The following PRPF8 variants were observed in gnomAD, a reference collection of about 807,000 sequenced individuals.
The protein encoded by PRPF8 is pre-mRNA-processing-splicing factor 8.
In PRPF8, 64 loss-of-function variants were observed where a neutral mutation model predicts 285.9. The ratio of observed to expected loss-of-function variants is 0.22; its 90% CI spans 0.18 to 0.28. The LOEUF (loss-of-function observed/expected upper bound fraction) is 0.28. Among genes scored for constraint, PRPF8 ranks in the 10% least tolerant of loss-of-function variants. The pLI, the probability that PRPF8 is intolerant of heterozygous loss-of-function variation, is 1.00. For missense variants in PRPF8, 1,426 were observed against 3,026.7 expected (o/e 0.47, Z 12.41); for synonymous variants, 1,325 against 1,118.2 (o/e 1.18, Z -3.69).
At chr17:1,683,776 T>C in intron 2 of PRPF8, 75 bp from the exon 3 acceptor site, 1 of 1,562,874 alleles carries the variant, frequency 6.4e-7, no homozygotes, top group Non-Finnish European at 8.7e-7. Flanking sequence ...TAGGGTAAGC[T>C]CCTGTCAGTG....
chr17:1,659,592 A>C lies in PRPF8; in HGVS notation c.4947-44T>G, dbSNP rs1911576840. On this transcript the variant is annotated intron_variant, in intron 31 of 42. Transcript: ENST00000304992. This position sits in a 1 kb window ranked among gnomAD's most constrained non-coding sequence, Gnocchi z 5.1. ...CAAGCTTCTAAGAAACCATGGGCAT[A>C]ACCAATGTCCCCAGAACCAGAACCA... 2 of 1,607,164 alleles carry C rather than the reference A, an allele frequency of 1.2e-6. No homozygotes were observed. Among genetic ancestry groups the C allele is most frequent in the Non-Finnish European group, 1.7e-6 (2 of 1,174,108 alleles).
rs1014516402 is a variant in PRPF8, at chr17:1,676,893, A to G, written c.2181+83T>C. 3.9e-6 allele frequency: 6 copies of G among 1,540,988 alleles called. No individual in the cohort carries two copies. Among genetic ancestry groups the G allele is most frequent in the Middle Eastern group, 2.3e-4 (1 of 4,428 alleles). ...GGAAAAGAAAAGAGATTGGAGCCAG[A>G]TAGCCCCCTAATGATTCCCGAAGTG... On this transcript the variant is annotated intron_variant, in intron 15 of 42. Transcript: ENST00000304992. The surrounding 1 kb of genome is among the most constrained non-coding windows in gnomAD (Gnocchi z 6.3).
intron 3 of PRPF8, 83 bp from the exon 4 acceptor site, chr17:1,682,376 T>C (rs1331021264): frequency 1.3e-6 from 2 of 1,519,748 alleles, no homozygotes; most frequent in East Asian, 2.3e-5. Flanking sequence ...CACATGTTCA[T>C]GTTCCACAGT....
Position 1,651,407 on chromosome 17 carries a change from G to A in PRPF8, c.6650+7C>T, listed in dbSNP as rs1911056940. On this transcript the variant is annotated splice_region_variant and intron_variant, in intron 41 of 42. Transcript: ENST00000304992. The surrounding 1 kb of genome is among the most constrained non-coding windows in gnomAD (Gnocchi z 5.1). ...ACCATACTTCCTCCCAAGGAGCCCA[G>A]GCCCACCTGCATGTGATGATAATGG... The A allele has an allele frequency of 1.2e-6, 2 of 1,614,090 alleles. No homozygotes were observed. Among genetic ancestry groups the A allele is most frequent in the Non-Finnish European group, 1.7e-6 (2 of 1,179,994 alleles).
chr17:1,673,987 T>TC lies in PRPF8; in HGVS notation c.3300-96dup. The TC allele has an allele frequency of 7.3e-7, 1 of 1,376,234 alleles. No individual in the cohort carries two copies. The highest frequency in any genetic ancestry group is 1.0e-6 in the Non-Finnish European group (1 of 984,564). The allele number at this position is 1,376,234 out of a possible 1,614,324, so 85.3% of individuals were successfully genotyped here. On this transcript the variant is annotated intron_variant, in intron 21 of 42. Coordinates refer to ENST00000304992, the MANE Select transcript of PRPF8 (RefSeq NM_006445.4). The surrounding 1 kb of genome is among the most constrained non-coding windows in gnomAD (Gnocchi z 5.5). The stretch of plus-strand genomic sequence containing the variant: ...CTCAATAGACGGAGACCCCACCCCA[T>TC]CCTACCCCCACCCTCCCCGGGCTTC...
rs192803925 is a variant in PRPF8 at position 1,683,277 on chromosome 17, G to A, written c.269+256C>T. On this transcript the variant is annotated intron_variant, in intron 3 of 42. Coordinates refer to ENST00000304992, the MANE Select transcript of PRPF8 (RefSeq NM_006445.4). Reference sequence around the variant, plus strand: ...CCCAAAGTGCTGGGATTACAGGCATGAGCCACCGCGCCTGGCCAGGGACAT... The same window carrying A: ...CCCAAAGTGCTGGGATTACAGGCATAAGCCACCGCGCCTGGCCAGGGACAT... 29 of 517,696 alleles carry A rather than the reference G, an allele frequency of 5.6e-5. No homozygotes were observed. In the Admixed American group the frequency reaches 7.6e-4, roughly 14 times the overall value. 32.1% of individuals were successfully genotyped at this position (517,696 alleles called of 1,614,324 possible).
Position 1,676,975 on chromosome 17 carries a change from C to T in PRPF8, c.2181+1G>A. 6.2e-7 allele frequency: 1 copy of T among 1,613,694 alleles called. No individual in the cohort carries two copies. Among genetic ancestry groups the T allele is most frequent in the Non-Finnish European group, 8.5e-7 (1 of 1,180,022 alleles). Reference sequence around the variant, plus strand: ...CTCCAAGGAAATAAAGAGACACCCACCTTCCAGGGAATGTTGGCTTTCCAG... The same window carrying T: ...CTCCAAGGAAATAAAGAGACACCCATCTTCCAGGGAATGTTGGCTTTCCAG... On this transcript the variant is annotated splice_donor_variant, in intron 15 of 42. Coordinates refer to ENST00000304992, the MANE Select transcript of PRPF8 (RefSeq NM_006445.4). LOFTEE classifies it high-confidence loss of function. The surrounding 1 kb of genome is among the most constrained non-coding windows in gnomAD (Gnocchi z 6.3).
chr17:1,684,667 G>A (rs896710062), intron 1 of PRPF8, 85 bp from the exon 2 acceptor site: 155 of 1,269,314 alleles, frequency 1.2e-4, no homozygotes, highest in Non-Finnish European at 1.6e-4. Flanking sequence ...GGGGACCCCG[G>A]CCTGCAGTCC....
In PRPF8 at chr17:1,665,180, A is replaced by G. The variant is rs1325749821; in HGVS notation, c.3775-3027T>C. ...GCCTCAAAAAAAAAAAAAAAAAAAAAGGGAGGAATGCAGCTAAAGCAATGC... is the reference window on the plus strand; with the variant it reads ...GCCTCAAAAAAAAAAAAAAAAAAAAGGGGAGGAATGCAGCTAAAGCAATGC... On this transcript the variant is annotated intron_variant, in intron 24 of 42. Transcript: ENST00000304992. 7.4e-5 allele frequency among the ~76,000 whole-genome samples: 11 copies of G among 148,514 alleles called. No individual in the cohort carries two copies. The East Asian group carries it at 1.0e-3, about 13-fold the overall frequency.
At chr17:1,683,888 CT>C (rs112914461) in intron 2 of PRPF8, among the ~76,000 whole-genome samples, 187 bp from the exon 3 acceptor site, 4,379 of 140,410 alleles carry the variant, frequency 0.031, 54 homozygotes, top group Middle Eastern at 0.047. Context: ...CACTATCTGA[CT>C]TTTTTTTTTT....
At chr17:1,680,357 G>C in intron 8 of PRPF8, 1 of 358,084 alleles carries the variant, frequency 2.8e-6, no homozygotes, top group Non-Finnish European at 5.2e-6. Flanking sequence ...GTGACAGTTG[G>C]GACAACTCTG....
At position 1,653,220 on chromosome 17, in the gene PRPF8, A is replaced by G; in HGVS notation, c.6369+322T>C. The G allele has an allele frequency of 2.1e-6, 1 of 476,268 alleles. No individual in the cohort carries two copies. The highest frequency in any genetic ancestry group is 3.3e-5 in the Admixed American group (1 of 30,332). 29.5% of individuals were successfully genotyped at this position (476,268 alleles called of 1,614,324 possible). A position where few individuals can be genotyped will look rare whatever the true frequency, so the allele number is the denominator to read the frequency against. ...CTCCCAAAGTGCTGGGATTATAGGC[A>G]TTAGCCACTGTGCCCAGCCGAGTGT... On this transcript the variant is annotated intron_variant, in intron 39 of 42. Coordinates refer to ENST00000304992, the MANE Select transcript of PRPF8 (RefSeq NM_006445.4). This position sits in a 1 kb window ranked among gnomAD's most constrained non-coding sequence, Gnocchi z 4.9.
Position 1,676,809 on chromosome 17 carries a change from G to C in PRPF8, c.2182-98C>G. 6.7e-7 allele frequency: 1 copy of C among 1,492,446 alleles called. No homozygotes were observed. The allele number at this position is 1,492,446 out of a possible 1,614,324, so 92.5% of individuals were successfully genotyped here. On this transcript the variant is annotated intron_variant, in intron 15 of 42. Transcript: ENST00000304992. This position sits in a 1 kb window ranked among gnomAD's most constrained non-coding sequence, Gnocchi z 6.3. ...CTCAGGAGGCTAAGGAGGATCGCTT[G>C]AGCTCAGGAGCTTGAGGCCAGCCTA...
In PRPF8 at chr17:1,659,401, G is replaced by T. The variant is rs1178425661; in HGVS notation, c.5094C>A (p.Pro1698=). ...TTDNMSIYPS[P]TGVLIAIDLA... ...GGTCAATGGCGATGAGTACACCTGT[G>T]GGCGAAGGGTAGATACTCATGTTGT... Residue 1698 remains proline, a synonymous_variant, in exon 32 of 43, where the codon CCC becomes CCA. Coordinates refer to ENST00000304992, the MANE Select transcript of PRPF8 (RefSeq NM_006445.4). The surrounding 1 kb of genome is among the most constrained non-coding windows in gnomAD (Gnocchi z 5.1). 18 of 1,613,990 alleles carry T rather than the reference G, an allele frequency of 1.1e-5. No individual in the cohort carries two copies. Among genetic ancestry groups the T allele is most frequent in the Non-Finnish European group, 1.5e-5 (18 of 1,180,038 alleles).
chr17:1,660,398 T>G, intron 30 of PRPF8, 34 bp downstream of exon 30: 2 of 1,612,988 alleles, frequency 1.2e-6, no homozygotes, highest in Non-Finnish European at 1.7e-6. Flanking sequence ...GAGCTGACTC[T>G]CTACAGTACC....
chr17:1,659,226 A>T lies in PRPF8; in HGVS notation c.5138+131T>A. The T allele has an allele frequency of 3.9e-6, 4 of 1,035,378 alleles. No homozygotes were observed. Among genetic ancestry groups the T allele is most frequent in the South Asian group, 1.3e-5 (1 of 76,758 alleles). The allele number at this position is 1,035,378 out of a possible 1,614,324, so 64.1% of individuals were successfully genotyped here. ...ATTTTGGTAGAGACAGGGTTTCACC[A>T]TGTTGCCCAGACTGGTCTCAAACTC... On this transcript the variant is annotated intron_variant, in intron 32 of 42. Transcript: ENST00000304992. This position sits in a 1 kb window ranked among gnomAD's most constrained non-coding sequence, Gnocchi z 5.1.
intron 34 of PRPF8, among the ~76,000 whole-genome samples, chr17:1,657,839 C>T (rs1358685919): frequency 3.3e-5 from 5 of 150,366 alleles, no homozygotes; most frequent in Non-Finnish European, 7.4e-5. Context: ...GGCGTGGTGG[C>T]GGGCGCCTGT....
At chr17:1,650,979 A>G in intron 42 of PRPF8, 23 bp from the exon 43 acceptor site, 2 of 1,614,184 alleles carry the variant, frequency 1.2e-6, no homozygotes, top group Non-Finnish European at 1.7e-6. Flanking sequence ...GGAAACAGCC[A>G]ATGTTAACAG....
Position 1,676,841 on chromosome 17 carries a change from A to G in PRPF8, c.2182-130T>C. Reference sequence around the variant, plus strand: ...GGAGCTTGAGGCCAGCCTAAGCAACATGGTGCTTCTTTTCCCTGTCTAAAA... The same window carrying G: ...GGAGCTTGAGGCCAGCCTAAGCAACGTGGTGCTTCTTTTCCCTGTCTAAAA... On this transcript the variant is annotated intron_variant, in intron 15 of 42. Coordinates refer to ENST00000304992, the MANE Select transcript of PRPF8 (RefSeq NM_006445.4). The surrounding 1 kb of genome is among the most constrained non-coding windows in gnomAD (Gnocchi z 6.3). The G allele has an allele frequency of 1.4e-6, 2 of 1,468,142 alleles. No individual in the cohort carries two copies. Among genetic ancestry groups the G allele is most frequent in the South Asian group, 1.1e-5 (1 of 88,132 alleles). 90.9% of individuals were successfully genotyped at this position (1,468,142 alleles called of 1,614,324 possible).
Sources: gnomAD v4.1 joint callset for allele counts (sites outside exome capture counted in the v4.1 genomes callset) on GRCh38, gnomAD v4.1.1 for gene constraint, Gnocchi (gnomAD v3.1) non-coding constraint, MANE v1.5 for transcripts, NCBI Gene and HGNC (gene_info 2026-07-23, HGNC 2026-07-21) for gene names.